MEIS2: variants seen among roughly 807,000 people sequenced by gnomAD.
The protein encoded by MEIS2 is Meis homeobox 2, also known as homeobox protein Meis2.
A neutral mutation model predicts 58.6 loss-of-function variants in MEIS2; 9 were observed. The observed-to-expected ratio is 0.15, with a 90% CI of 0.09 to 0.27. MEIS2 has a LOEUF of 0.27. MEIS2 is among the 10% of genes least tolerant of loss of function. MEIS2 has a pLI of 1.00. For missense variants in MEIS2, 427 were observed against 635.0 expected (o/e 0.67, Z 3.52); for synonymous variants, 221 against 228.4 (o/e 0.97, Z 0.29).
chr15:37,010,230 GGC>G (rs2061088918), intron 8 of MEIS2, among the ~76,000 whole-genome samples: 1 of 151,786 alleles, frequency 6.6e-6, no homozygotes, highest in Non-Finnish European at 1.5e-5. Flanking sequence ...TGGGACTACA[GGC>G]ACCCACCACC....
At chr15:36,906,757 G>C (rs2141253251) in intron 9 of MEIS2, among the ~76,000 whole-genome samples, 1 of 151,592 alleles carries the variant, frequency 6.6e-6, no homozygotes, top group East Asian at 1.9e-4. Flanking sequence ...GAATATTCCA[G>C]AGCTGCAGGA....
intron 3 of MEIS2, chr15:37,096,037 A>G (rs925058742): frequency 2.1e-6 from 1 of 481,194 alleles, no homozygotes; most frequent in African/African-American, 1.9e-5. Flanking sequence ...CAAGCCCCAG[A>G]TTAGGAGCAG....
At chr15:37,045,128 T>C (rs1200529474) in intron 7 of MEIS2, among the ~76,000 whole-genome samples, 1 of 152,156 alleles carries the variant, frequency 6.6e-6, no homozygotes, top group Non-Finnish European at 1.5e-5. Context: ...ACACTGCTTA[T>C]AGAAATGGTG....
rs1351480406 is a variant in MEIS2, at chr15:37,098,164, T to G, written c.48A>C (p.Gly16=). The G allele has an allele frequency of 3.7e-6, 6 of 1,603,620 alleles. No homozygotes were observed. Among genetic ancestry groups the G allele is most frequent in the Non-Finnish European group, 5.1e-6 (6 of 1,174,728 alleles). ...CGTACATGGAAGCGGGAACCCCTAC[T>G]CCGTCCATCCCGCCGTAATGGGGCA... ...DELPHYGGMD[G]VGVPASMYGD... The change falls in exon 2 of 12, where the codon GGA becomes GGC. Residue 16 remains glycine (G), a synonymous_variant. Coordinates refer to ENST00000561208, the MANE Select transcript of MEIS2 (RefSeq NM_170675.5).
intron 8 of MEIS2, among the ~76,000 whole-genome samples, chr15:36,954,612 A>G (rs1250819280): frequency 6.6e-6 from 1 of 152,030 alleles, no homozygotes; most frequent in Admixed American, 6.6e-5. Flanking sequence ...TTTTTAAAGC[A>G]AGACATCTCC....
chr15:36,899,730 C>A (rs1470996400), intron 9 of MEIS2, among the ~76,000 whole-genome samples: 2 of 152,086 alleles, frequency 1.3e-5, no homozygotes, highest in African/African-American at 4.8e-5. Flanking sequence ...GGTTCAAAGA[C>A]AAAAGACTTG....
chr15:36,922,625 T>A (rs1005410378), intron 9 of MEIS2, among the ~76,000 whole-genome samples: 2 of 147,624 alleles, frequency 1.4e-5, no homozygotes, highest in Admixed American at 1.3e-4. Context: ...CTTTCTTTTT[T>A]TTTTTTTTTT....
intron 7 of MEIS2, 122 bp downstream of exon 7, chr15:37,083,649 T>C (rs1356261305): frequency 3.2e-6 from 2 of 634,338 alleles, no homozygotes; most frequent in East Asian, 6.0e-5. Context: ...AAATAGCAGC[T>C]GATTCTACTC....
chr15:36,892,092 A>T lies in MEIS2; in HGVS notation c.*81T>A. The stretch of plus-strand genomic sequence containing the variant: ...TCACAGCTGTCTGGAATTTCATATT[A>T]AGTGTCAACATCTGGTCAAAGTTCA... On this transcript the variant is annotated 3_prime_UTR_variant, in exon 12 of 12. Coordinates refer to ENST00000561208, the MANE Select transcript of MEIS2 (RefSeq NM_170675.5). 1 of 1,403,538 alleles carries T rather than the reference A, an allele frequency of 7.1e-7. No homozygotes were observed. The highest frequency in any genetic ancestry group is 9.9e-7 in the Non-Finnish European group (1 of 1,006,698). 86.9% of individuals were successfully genotyped at this position (1,403,538 alleles called of 1,614,324 possible). A position where few individuals can be genotyped will look rare whatever the true frequency, so the allele number is the denominator to read the frequency against.
At chr15:37,010,013 C>T (rs2061076716) in intron 8 of MEIS2, among the ~76,000 whole-genome samples, 1 of 152,062 alleles carries the variant, frequency 6.6e-6, no homozygotes, top group Non-Finnish European at 1.5e-5. Flanking sequence ...GAGACACACC[C>T]CATTTGATGT....
At chr15:37,054,547 G>A (rs2063053497) in intron 7 of MEIS2, among the ~76,000 whole-genome samples, 1 of 152,154 alleles carries the variant, frequency 6.6e-6, no homozygotes, top group Non-Finnish European at 1.5e-5. Context: ...CCCCTGAATA[G>A]CTGGGACTAC....
chr15:37,056,973 A>C (rs938283270), intron 7 of MEIS2, among the ~76,000 whole-genome samples: 1 of 152,186 alleles, frequency 6.6e-6, no homozygotes, highest in Admixed American at 6.5e-5. Flanking sequence ...ACAGTACATA[A>C]AATACAAATT....
intron 7 of MEIS2, among the ~76,000 whole-genome samples, chr15:37,073,833 T>C (rs1891023846): frequency 6.6e-6 from 1 of 152,054 alleles, no homozygotes; most frequent in African/African-American, 2.4e-5. Flanking sequence ...AAAAGAATGA[T>C]TGGTTTTGAG....
At chr15:36,919,577 CAAA>C (rs59119561) in intron 9 of MEIS2, among the ~76,000 whole-genome samples, 13 of 133,996 alleles carry the variant, frequency 9.7e-5, no homozygotes, top group Non-Finnish European at 9.7e-5. Flanking sequence ...AACTCCGTCT[CAAA>C]AAAAAAAAAA....
intron 8 of MEIS2, among the ~76,000 whole-genome samples, chr15:37,017,182 C>A (rs2061377722): frequency 6.6e-6 from 1 of 152,010 alleles, no homozygotes; most frequent in Non-Finnish European, 1.5e-5. Context: ...GTTTGAACAT[C>A]AAACACGAGT....
At chr15:37,090,111 T>TA (rs1314864458) in intron 6 of MEIS2, among the ~76,000 whole-genome samples, 1 of 152,034 alleles carries the variant, frequency 6.6e-6, no homozygotes, top group Non-Finnish European at 1.5e-5. Flanking sequence ...CTATTATATA[T>TA]TTTTTTCTCC....
chr15:36,908,813 C>G (rs1289953963), intron 9 of MEIS2, among the ~76,000 whole-genome samples: 4 of 152,006 alleles, frequency 2.6e-5, no homozygotes, highest in Non-Finnish European at 4.4e-5. Context: ...GTGGTGGATG[C>G]CTGCAATCCC....
At chr15:36,999,046 T>C (rs1207952903) in intron 8 of MEIS2, among the ~76,000 whole-genome samples, 2 of 152,236 alleles carry the variant, frequency 1.3e-5, no homozygotes, top group Non-Finnish European at 2.9e-5. Context: ...GTTATCAGTG[T>C]CCTCAATCAA....
Position 37,007,888 on chromosome 15 carries a change from G to T in MEIS2, c.900+28926C>A, listed in dbSNP as rs183787516. ...CCTAGAATAATGTTGTCTGCAAGAG[G>T]TCTGCAGACCTCTAGAAAACAACTT... On this transcript the variant is annotated intron_variant, in intron 8 of 11. Transcript: ENST00000561208. 2.2e-4 allele frequency among the ~76,000 whole-genome samples: 33 copies of T among 152,252 alleles called. No homozygotes were observed. The East Asian group carries it at 6.4e-3, about 29-fold the overall frequency.
Sources: allele counts gnomAD v4.1 joint callset (sites outside exome capture counted in the v4.1 genomes callset), GRCh38; gene constraint gnomAD v4.1.1; transcripts MANE v1.5; gene names NCBI Gene and HGNC (gene_info 2026-07-23, HGNC 2026-07-21).